LUZP1: variants seen among roughly 807,000 people sequenced by gnomAD.
LUZP1 encodes filamin mechanobinding actin cross-linking protein.
LUZP1 carries 25 observed loss-of-function variants against 71.3 expected under a neutral mutation model. The ratio of observed to expected loss-of-function variants is 0.35; its 90% confidence interval spans 0.26 to 0.49. The LOEUF is 0.49. Ranked by LOEUF, LUZP1 falls within the 20% of genes least tolerant of loss-of-function variation. LUZP1 has a pLI of 0.99. For missense variants in LUZP1, 1,142 were observed against 1,300.8 expected (o/e 0.88, Z 1.88); for synonymous variants, 481 against 506.4 (o/e 0.95, Z 0.67).
At chr1:23,165,896 T>C (rs2148214602) in intron 2 of LUZP1, among the ~76,000 whole-genome samples, 1 of 152,170 alleles carries the variant, frequency 6.6e-6, no homozygotes, top group Middle Eastern at 3.4e-3. Context: ...TAGCTATCCA[T>C]CAACTTCCAT....
chr1:23,085,478 C>CT (rs897049372), exon 5 of LUZP1: 61 of 152,664 alleles, frequency 4.0e-4, no homozygotes, highest in African/African-American at 1.4e-3. Context: ...AAAAGCAGCT[C>CT]TTTCCAAAGC....
chr1:23,083,645 T>G (rs12137204), downstream of LUZP1: 117,365 of 189,492 alleles, frequency 0.62, 31,765 homozygotes, highest in Non-Finnish European at 0.65. Flanking sequence ...TGTGGGGTTT[T>G]TGTTTTTTTT....
intron 2 of LUZP1, among the ~76,000 whole-genome samples, chr1:23,154,164 G>A (rs929837360): frequency 6.6e-6 from 1 of 152,184 alleles, no homozygotes; most frequent in African/African-American, 2.4e-5. Flanking sequence ...GGTTGCCTGA[G>A]GGTAAGAATT....
At chr1:23,154,960 A>T (rs1470831804) in intron 2 of LUZP1, among the ~76,000 whole-genome samples, 1 of 152,064 alleles carries the variant, frequency 6.6e-6, no homozygotes, top group Non-Finnish European at 1.5e-5. Flanking sequence ...TCACTTTAAA[A>T]CTGCCCTAGG....
chr1:23,144,538 C>T (rs1304143063), intron 2 of LUZP1, among the ~76,000 whole-genome samples: 5 of 152,130 alleles, frequency 3.3e-5, no homozygotes, highest in African/African-American at 1.2e-4. Flanking sequence ...CTCATTTTAC[C>T]TTTTTTCACA....
intron 3 of LUZP1, among the ~76,000 whole-genome samples, chr1:23,106,728 C>G (rs1036272760): frequency 6.6e-6 from 1 of 152,150 alleles, no homozygotes; most frequent in Middle Eastern, 3.2e-3. Context: ...CCACTACCAC[C>G]CAGGTCCAAC....
intron 3 of LUZP1, among the ~76,000 whole-genome samples, chr1:23,107,028 C>A (rs1230497219): frequency 6.6e-6 from 1 of 152,238 alleles, no homozygotes; most frequent in Non-Finnish European, 1.5e-5. Context: ...TCCAATCCAG[C>A]CACACGGCCT....
At chr1:23,141,076 G>T (rs1186092388) in intron 2 of LUZP1, 1 of 152,332 alleles carries the variant, frequency 6.6e-6, no homozygotes, top group East Asian at 1.9e-4. Flanking sequence ...TCTGTGGGCT[G>T]GGAGACGAAC....
chr1:23,131,882 C>T (rs373694365), intron 2 of LUZP1, among the ~76,000 whole-genome samples: 7 of 152,142 alleles, frequency 4.6e-5, no homozygotes, highest in East Asian at 1.9e-4. Flanking sequence ...GACGAGGTTT[C>T]GCCATGTTGG....
chr1:23,119,878 A>C (rs965135067), intron 2 of LUZP1, among the ~76,000 whole-genome samples: 6 of 152,134 alleles, frequency 3.9e-5, no homozygotes, highest in African/African-American at 1.4e-4. Context: ...CCTTTCAAAT[A>C]ACATTAAATA....
chr1:23,134,768 G>A (rs1019560428), intron 2 of LUZP1, among the ~76,000 whole-genome samples: 8 of 152,190 alleles, frequency 5.3e-5, no homozygotes, highest in African/African-American at 1.4e-4. Flanking sequence ...GGGGGACGGT[G>A]TGAGACCCTG....
Position 23,093,598 on chromosome 1 carries a change from T to C in LUZP1, c.664A>G (p.Lys222Glu), listed in dbSNP as rs1485547474. The change falls in exon 4 of 5, where the codon AAA becomes GAA. Residue 222 changes from lysine (K) to glutamate (E), a missense_variant. Transcript: ENST00000302291. This position sits in a 1 kb window ranked among gnomAD's most constrained non-coding sequence, Gnocchi z 4.2. ...CTTGTATAATCTCGGTTCATTTTTT[T>C]GTTCTGCTCTAGTTTTTGAGTGAGT... 1 of 1,613,568 alleles carries C rather than the reference T, an allele frequency of 6.2e-7. No individual in the cohort carries two copies.
chr1:23,145,614 T>C (rs1644337108), intron 2 of LUZP1, among the ~76,000 whole-genome samples: 1 of 151,946 alleles, frequency 6.6e-6, no homozygotes, highest in South Asian at 2.1e-4. Flanking sequence ...GGATTACACG[T>C]GCATGCCACC....
At chr1:23,143,324 T>A (rs1644319730) in intron 2 of LUZP1, among the ~76,000 whole-genome samples, 2 of 152,210 alleles carry the variant, frequency 1.3e-5, no homozygotes. Context: ...AAATTTAAGC[T>A]GACTCTTTTA....
chr1:23,091,032 T>A, intron 4 of LUZP1, 158 bp downstream of exon 3: 2 of 827,620 alleles, frequency 2.4e-6, no homozygotes, highest in Non-Finnish European at 4.1e-6. Flanking sequence ...AGGAGAAAGG[T>A]CAAACCCCCC....
At chr1:23,092,664 G>C (rs771763604) in exon 4 of LUZP1, 2 of 1,614,034 alleles carry the variant, frequency 1.2e-6, no homozygotes, top group African/African-American at 1.3e-5. Flanking sequence ...CTCAGAGGAG[G>C]TGTCAGAAGC....
At chr1:23,141,224 G>C (rs1383018124) in intron 2 of LUZP1, 1 of 152,344 alleles carries the variant, frequency 6.6e-6, no homozygotes, top group African/African-American at 2.4e-5. Flanking sequence ...AAAGGAGGAA[G>C]GCTAGATTTC....
intron 2 of LUZP1, among the ~76,000 whole-genome samples, chr1:23,118,238 A>G (rs1172707553): frequency 1.3e-5 from 2 of 151,684 alleles, no homozygotes; most frequent in African/African-American, 4.8e-5. Flanking sequence ...CCCATCTCTA[A>G]ACACAAAAAT....
At chr1:23,128,365 T>G (rs1644188975) in intron 2 of LUZP1, among the ~76,000 whole-genome samples, 1 of 152,162 alleles carries the variant, frequency 6.6e-6, no homozygotes, top group Admixed American at 6.5e-5. Flanking sequence ...AAATCTGAAT[T>G]TATTAATAAG....
Sources: allele counts gnomAD v4.1 joint callset (sites outside exome capture counted in the v4.1 genomes callset), GRCh38; gene constraint gnomAD v4.1.1; non-coding constraint Gnocchi (gnomAD v3.1); transcripts MANE v1.5; gene names NCBI Gene and HGNC (gene_info 2026-07-23, HGNC 2026-07-21).